Variants in EBF4 observed in about 807,000 individuals in gnomAD.
EBF4 encodes EBF transcription factor 4.
EBF4 carries 34 observed loss-of-function variants against 67.1 expected under a neutral mutation model. That is an observed-to-expected ratio of 0.51 (90% CI 0.39 to 0.67). The LOEUF (loss-of-function observed/expected upper bound fraction) is 0.67. EBF4 is among the 30% of genes least tolerant of loss of function. The probability of loss-of-function intolerance (pLI) is 0.00; values close to 1 mark genes in which losing one functional copy is unlikely to be tolerated. For missense variants in EBF4, 837 were observed against 873.3 expected (o/e 0.96, Z 0.52); for synonymous variants, 387 against 377.7 (o/e 1.02, Z -0.29).
chr20:2,716,035 C>T (rs1394001435), intron 6 of EBF4, among the ~76,000 whole-genome samples: 5 of 151,068 alleles, frequency 3.3e-5, no homozygotes, highest in Non-Finnish European at 7.4e-5. Context: ...AGGCATGAGC[C>T]ACCGCGCCCG....
At position 2,755,697 on chromosome 20, in the gene EBF4, C is replaced by T. The variant is rs1450247784; in HGVS notation, c.1611C>T (p.Ser537=). The T allele has an allele frequency of 1.3e-6, 2 of 1,550,600 alleles. No individual in the cohort carries two copies. Among genetic ancestry groups the T allele is most frequent in the Admixed American group, 2.0e-5 (1 of 50,946 alleles). ...TCCCGGCCGCTGCCCCCACCACCAG[C>T]GTGTTCTCCTTCTCGCCTGTCAACA... The change falls in exon 15 of 17, where the codon AGC becomes AGT. Residue 537 remains serine (S), a synonymous_variant. Coordinates refer to ENST00000609451, the Ensembl canonical transcript of EBF4. This position sits in a 1 kb window ranked among gnomAD's most constrained non-coding sequence, Gnocchi z 4.7.
intron 14 of EBF4, among the ~76,000 whole-genome samples, chr20:2,753,410 A>G (rs2088188395): frequency 6.6e-6 from 1 of 152,240 alleles, no homozygotes; most frequent in African/African-American, 2.4e-5. Context: ...AGACTCTTCC[A>G]TCATCAAGTT....
chr20:2,731,286 C>A (rs937803356), intron 6 of EBF4, among the ~76,000 whole-genome samples: 1 of 152,188 alleles, frequency 6.6e-6, no homozygotes, highest in African/African-American at 2.4e-5. Flanking sequence ...TTGTTTAGTT[C>A]TCTCAAAACA....
At position 2,696,991 on chromosome 20, in the gene EBF4, T is replaced by C. The variant is rs963183667; in HGVS notation, c.137+3209T>C. On this transcript the variant is annotated intron_variant, in intron 1 of 16. Transcript: ENST00000609451. The surrounding 1 kb of genome is among the most constrained non-coding windows in gnomAD (Gnocchi z 4.7). ...CCATGGGGGATGGGGGTGATGACTG[T>C]CTGCCGGAGGAAGCAGTAATGTTTC... 2.6e-5 allele frequency among the ~76,000 whole-genome samples: 4 copies of C among 152,188 alleles called. No individual in the cohort carries two copies. The highest frequency in any genetic ancestry group is 5.9e-5 in the Non-Finnish European group (4 of 68,028).
intron 14 of EBF4, among the ~76,000 whole-genome samples, chr20:2,753,282 T>C (rs1600246386): frequency 6.6e-6 from 1 of 152,122 alleles, no homozygotes; most frequent in African/African-American, 2.4e-5. Context: ...GCTGACCACA[T>C]CCCATCTGGC....
Position 2,709,657 on chromosome 20 carries a change from A to G in EBF4, c.557+15A>G. 6.5e-7 allele frequency: 1 copy of G among 1,527,438 alleles called. No individual in the cohort carries two copies. Among genetic ancestry groups the G allele is most frequent in the Non-Finnish European group, 8.8e-7 (1 of 1,131,916 alleles). The allele number at this position is 1,527,438 out of a possible 1,614,324, so 94.6% of individuals were successfully genotyped here. A position where few individuals can be genotyped will look rare whatever the true frequency, so the allele number is the denominator to read the frequency against. On this transcript the variant is annotated intron_variant, in intron 6 of 16. Transcript: ENST00000609451. Reference sequence around the variant, plus strand: ...ATCATTGACAGGTACAGGCTCAGGGAGGGGGCCTGGAAGCTCAGAGGAGAG... The same window carrying G: ...ATCATTGACAGGTACAGGCTCAGGGGGGGGGCCTGGAAGCTCAGAGGAGAG...
chr20:2,693,321 T>C (rs935259124), upstream of EBF4, among the ~76,000 whole-genome samples: 74 of 150,056 alleles, frequency 4.9e-4, no homozygotes, highest in African/African-American at 1.7e-3. This position sits in a 1 kb window ranked among gnomAD's most constrained non-coding sequence, Gnocchi z 4.6. Flanking sequence ...AGCGCGCCTC[T>C]GGGGCGCCTC....
intron 1 of EBF4, among the ~76,000 whole-genome samples, chr20:2,699,126 A>G (rs1005034882): frequency 6.6e-6 from 1 of 152,170 alleles, no homozygotes; most frequent in Admixed American, 6.5e-5. Flanking sequence ...TGTCCTGCTC[A>G]GCCTTGCAAA....
At position 2,747,452 on chromosome 20, in the gene EBF4, T is replaced by A. The variant is rs1040289361; in HGVS notation, c.558-1097T>A. Reference sequence around the variant, plus strand: ...GAAGGAGAGGAGGACAAAGTGCTCATGTGTTTGTCTAAAAAGCAACCTCAT... The same window carrying A: ...GAAGGAGAGGAGGACAAAGTGCTCAAGTGTTTGTCTAAAAAGCAACCTCAT... On this transcript the variant is annotated intron_variant, in intron 6 of 16. Coordinates refer to ENST00000609451, the Ensembl canonical transcript of EBF4. This position sits in a 1 kb window ranked among gnomAD's most constrained non-coding sequence, Gnocchi z 4.6. Among the ~76,000 whole-genome samples, 1 of 152,074 alleles carries A rather than the reference T, an allele frequency of 6.6e-6. No homozygotes were observed. The highest frequency in any genetic ancestry group is 6.5e-5 in the Admixed American group (1 of 15,280).
intron 1 of EBF4, among the ~76,000 whole-genome samples, chr20:2,699,780 G>A (rs1377370218): frequency 6.6e-6 from 1 of 152,228 alleles, no homozygotes; most frequent in Non-Finnish European, 1.5e-5. Flanking sequence ...AGCAGTACAT[G>A]TGCCAGGTGA....
At chr20:2,710,843 A>G (rs1442278630) in intron 6 of EBF4, among the ~76,000 whole-genome samples, 1 of 152,110 alleles carries the variant, frequency 6.6e-6, no homozygotes, top group Non-Finnish European at 1.5e-5. Flanking sequence ...TTTTGTTTTT[A>G]TAAAAATGGT....
intron 6 of EBF4, among the ~76,000 whole-genome samples, chr20:2,744,585 C>T (rs975972666): frequency 2.0e-5 from 3 of 150,432 alleles, no homozygotes; most frequent in African/African-American, 7.4e-5. Flanking sequence ...TCCACCTCCC[C>T]CGTTCAAGCA....
At chr20:2,716,949 A>G (rs763538061) in intron 6 of EBF4, among the ~76,000 whole-genome samples, 3 of 152,226 alleles carry the variant, frequency 2.0e-5, no homozygotes, top group Non-Finnish European at 2.9e-5. Context: ...CTTCAGTTGA[A>G]TATTGGATAT....
chr20:2,705,785 C>CCCCA (rs1419727165), intron 2 of EBF4, 52 bp downstream of exon 2: 4 of 752,262 alleles, frequency 5.3e-6, no homozygotes, highest in South Asian at 3.6e-5. Context: ...GAACCCCCAA[C>CCCCA]CACACACACA....
intron 6 of EBF4, among the ~76,000 whole-genome samples, chr20:2,710,076 G>A (rs987378963): frequency 6.6e-6 from 1 of 152,224 alleles, no homozygotes; most frequent in African/African-American, 2.4e-5. Flanking sequence ...AGTGGGGAAA[G>A]AGCTGGCAGG....
chr20:2,710,469 A>G (rs2087527357), intron 6 of EBF4, among the ~76,000 whole-genome samples: 1 of 152,142 alleles, frequency 6.6e-6, no homozygotes, highest in Admixed American at 6.5e-5. Context: ...TTGAAGAGGA[A>G]ATGCATAAAT....
At chr20:2,749,667 A>G (rs746247846) in exon 9 of EBF4, 17 of 1,567,664 alleles carry the variant, frequency 1.1e-5, no homozygotes, top group Non-Finnish European at 1.5e-5. Flanking sequence ...GGGCTGGACC[A>G]CGGGCGGCGC....
rs181087843 is a variant in EBF4, at chr20:2,696,169, C to T, written c.137+2387C>T. 2.2e-3 allele frequency among the ~76,000 whole-genome samples: 338 copies of T among 152,290 alleles called. 5 individuals are homozygous for T. The highest frequency in any genetic ancestry group is 0.021 in the South Asian group (100 of 4,806). ...ACTTTTTTAAGATCATGTCTCTCTC[C>T]GATTACAAATAAAGTGACCAGGCTG... is the stretch of plus-strand genomic sequence containing the variant. On this transcript the variant is annotated intron_variant, in intron 1 of 16. Coordinates refer to ENST00000609451, the Ensembl canonical transcript of EBF4. The surrounding 1 kb of genome is among the most constrained non-coding windows in gnomAD (Gnocchi z 4.7).
At chr20:2,757,113 G>A (rs1393772031) in intron 15 of EBF4, among the ~76,000 whole-genome samples, 1 of 152,114 alleles carries the variant, frequency 6.6e-6, no homozygotes, top group Non-Finnish European at 1.5e-5. Flanking sequence ...AGGGGCAGGT[G>A]GGGCAGCCTC....
Sources: allele counts gnomAD v4.1 joint callset (sites outside exome capture counted in the v4.1 genomes callset), GRCh38; gene constraint gnomAD v4.1.1; non-coding constraint Gnocchi (gnomAD v3.1); transcripts MANE v1.5; gene names NCBI Gene and HGNC (gene_info 2026-07-23, HGNC 2026-07-21).